ADAR: variants seen among roughly 807,000 people sequenced by gnomAD.
ADAR encodes adenosine deaminase RNA specific.
A neutral mutation model predicts 113.2 loss-of-function variants in ADAR; 41 were observed. That is an observed-to-expected ratio of 0.36 (90% CI 0.28 to 0.47). The LOEUF is 0.47. ADAR is among the 20% of genes least tolerant of loss of function. ADAR has a pLI of 1.00. For missense variants in ADAR, 1,242 were observed against 1,540.9 expected (o/e 0.81, Z 3.25); for synonymous variants, 605 against 572.6 (o/e 1.06, Z -0.81).
rs772630652 is a variant in ADAR, at chr1:154,589,506, C to G, written c.2669-44G>C. The G allele has an allele frequency of 3.9e-6, 6 of 1,529,164 alleles. No individual in the cohort carries two copies. The Admixed American group carries it at 1.0e-4, about 26-fold the overall frequency. The allele number at this position is 1,529,164 out of a possible 1,614,324, so 94.7% of individuals were successfully genotyped here. ...CAGAAATAGAATAATGGAAGGAAACCGATGGAAAACAGGATGAAGGCTATT... is the reference window on the plus strand; with the variant it reads ...CAGAAATAGAATAATGGAAGGAAACGGATGGAAAACAGGATGAAGGCTATT... On this transcript the variant is annotated intron_variant, in intron 8 of 14. Transcript: ENST00000368474.
chr1:154,626,520 A>G (rs1182174936), intron 1 of ADAR, among the ~76,000 whole-genome samples: 1 of 152,304 alleles, frequency 6.6e-6, no homozygotes, highest in Non-Finnish European at 1.5e-5. Context: ...CCAAGTCTGC[A>G]TATCATATCT....
chr1:154,610,833 A>AAAAAAAAAAAAAAAAAAC (rs1698463936), upstream of ADAR, among the ~76,000 whole-genome samples: 1 of 136,152 alleles, frequency 7.3e-6, no homozygotes, highest in Admixed American at 7.4e-5. Context: ...AGAAAAAAAA[A>AAAAAAAAAAAAAAAAAAC]AAAAAAAAGA....
At chr1:154,612,841 T>C (rs1698527585), upstream of ADAR, among the ~76,000 whole-genome samples, 1 of 152,102 alleles carries the variant, frequency 6.6e-6, no homozygotes, top group East Asian at 1.9e-4. Flanking sequence ...AGATAGAGTC[T>C]CGCTCTGTTG....
At chr1:154,603,943 T>C (rs1286952285) in intron 1 of ADAR, among the ~76,000 whole-genome samples, 2 of 152,178 alleles carry the variant, frequency 1.3e-5, no homozygotes, top group Non-Finnish European at 2.9e-5. Flanking sequence ...CATGGTGTCC[T>C]GGCTACAAGG....
rs1696527511 is a variant in ADAR, at chr1:154,583,286, C to T, written c.*1520G>A. The T allele has an allele frequency of 6.6e-6, 1 of 152,228 alleles. No homozygotes were observed. Among genetic ancestry groups the T allele is most frequent in the South Asian group, 2.1e-4 (1 of 4,836 alleles). The allele number at this position is 152,228 out of a possible 1,614,324, so 9.4% of individuals were successfully genotyped here. A position where few individuals can be genotyped will look rare whatever the true frequency, so the allele number is the denominator to read the frequency against. On this transcript the variant is annotated 3_prime_UTR_variant, in exon 15 of 15. Coordinates refer to ENST00000368474, the MANE Select transcript of ADAR (RefSeq NM_001111.5). ...CCACGGCACCAAGTCTATGCTTGGG[C>T]TCTTCCCTGCTCTGCTCTTGGAGTC...
At chr1:154,592,405 CT>C (rs1483924708) in intron 6 of ADAR, among the ~76,000 whole-genome samples, 1 of 151,916 alleles carries the variant, frequency 6.6e-6, no homozygotes, top group Non-Finnish European at 1.5e-5. Context: ...TGTTTGGTTC[CT>C]GTTCTAAAAA....
At position 154,602,337 on chromosome 1, in the gene ADAR, T is replaced by G; in HGVS notation, c.305A>C (p.Gln102Pro). 1 of 1,611,000 alleles carries G rather than the reference T, an allele frequency of 6.2e-7. No individual in the cohort carries two copies. Among genetic ancestry groups the G allele is most frequent in the Non-Finnish European group, 8.5e-7 (1 of 1,178,342 alleles). Residue 102 changes from glutamine to proline, a missense_variant, in exon 2 of 15, where the codon CAG becomes CCG. Transcript: ENST00000368474. ...ATGCTGGAACCCTCTCTGGAGCCCC[T>G]GACTTCTGAGATGCACGCCCCTGGG... ...GVPRGVHLRS[Q>P]GLQRGFQHPS... is the part of the protein sequence containing the mutation.
intron 6 of ADAR, among the ~76,000 whole-genome samples, chr1:154,595,738 T>C (rs1015590601): frequency 6.6e-6 from 1 of 152,220 alleles, no homozygotes; most frequent in East Asian, 1.9e-4. Flanking sequence ...TAAATGTAGT[T>C]AGCCTAAGTG....
intron 2 of ADAR, among the ~76,000 whole-genome samples, chr1:154,599,156 C>T (rs1697705004): frequency 6.6e-6 from 1 of 152,142 alleles, no homozygotes; most frequent in South Asian, 2.1e-4. Flanking sequence ...CAGCTATTTT[C>T]TACATAACAA....
intron 7 of ADAR, 38 bp downstream of exon 7, chr1:154,590,146 C>A (rs760133194): frequency 1.4e-5 from 16 of 1,167,416 alleles, no homozygotes; most frequent in Non-Finnish European, 2.0e-5. Flanking sequence ...GGAGGACCCC[C>A]CCGCCCCAAA....
Position 154,582,434 on chromosome 1 carries a change from A to G in ADAR, c.*2372T>C, listed in dbSNP as rs1696463606. On this transcript the variant is annotated 3_prime_UTR_variant, in exon 15 of 15. Coordinates refer to ENST00000368474, the MANE Select transcript of ADAR (RefSeq NM_001111.5). Reference sequence around the variant, plus strand: ...ACTGGACAAAGAAAGTGAAGATAACAGTGGGCAGAAGCTCTGCCTCCTCTG... The same window carrying G: ...ACTGGACAAAGAAAGTGAAGATAACGGTGGGCAGAAGCTCTGCCTCCTCTG... 6.6e-6 allele frequency: 1 copy of G among 151,110 alleles called. No individual in the cohort carries two copies. Among genetic ancestry groups the G allele is most frequent in the Admixed American group, 6.6e-5 (1 of 15,068 alleles). 9.4% of individuals were successfully genotyped at this position (151,110 alleles called of 1,614,324 possible).
chr1:154,600,937 G>C, intron 2 of ADAR, 104 bp downstream of exon 2: 1 of 1,496,778 alleles, frequency 6.7e-7, no homozygotes, highest in Non-Finnish European at 9.3e-7. Context: ...AGGAGGAAAA[G>C]ATAGGCGCCA....
At chr1:154,626,223 T>G (rs1318495086) in intron 1 of ADAR, among the ~76,000 whole-genome samples, 1 of 150,154 alleles carries the variant, frequency 6.7e-6, no homozygotes, top group Non-Finnish European at 1.5e-5. Context: ...TGAGAGATTG[T>G]CCTGCCTCAG....
chr1:154,586,288 C>G lies in ADAR; in HGVS notation c.3095G>C (p.Arg1032Pro). ...WDGIRLGERL[R>P]TMSCSDKILR... is the part of the protein sequence containing the mutation. ...GATTTTGTCACTACAGGACATGGTA[C>G]GGAGTCTCTCCCCGAGCCGAATGCC... The change falls in exon 12 of 15, where the codon CGT becomes CCT. Residue 1032 changes from arginine to proline, a missense_variant. By Grantham distance (103) the Arg-to-Pro change is moderately radical. Coordinates refer to ENST00000368474, the MANE Select transcript of ADAR (RefSeq NM_001111.5). The G allele has an allele frequency of 6.2e-7, 1 of 1,614,196 alleles. No homozygotes were observed. The highest frequency in any genetic ancestry group is 8.5e-7 in the Non-Finnish European group (1 of 1,180,026).
chr1:154,613,063 G>A (rs1571140860), upstream of ADAR, among the ~76,000 whole-genome samples: 5 of 151,878 alleles, frequency 3.3e-5, no homozygotes, highest in Non-Finnish European at 5.9e-5. Flanking sequence ...CGCCTGCCTC[G>A]GCCTCCCAAA....
rs758150130 is a variant in ADAR at position 154,596,812 on chromosome 1, C to T, written c.2263G>A (p.Glu755Lys). The change falls in exon 6 of 15, where the codon GAG becomes AAG. Residue 755 changes from glutamate to lysine, a missense_variant. This residue lies in a region of ADAR where 780 missense variants were observed against 1,057.9 expected (regional missense o/e 0.74). Transcript: ENST00000368474. ...KLVDQSGPPH[E>K]PKFVYQAKVG... The stretch of plus-strand genomic sequence containing the variant: ...CAGGACTAGGACACTCACTTGGGCT[C>T]GTGAGGAGGTCCGGACTGGTCGACC... 11 of 1,612,866 alleles carry T rather than the reference C, an allele frequency of 6.8e-6. No homozygotes were observed. The South Asian group carries it at 8.8e-5, about 13-fold the overall frequency.
At chr1:154,585,501 C>T (rs1245896690) in intron 13 of ADAR, 157 bp from the exon 14 acceptor site, 2 of 1,030,088 alleles carry the variant, frequency 1.9e-6, no homozygotes, top group South Asian at 1.4e-5. Context: ...ACCCTCTAGA[C>T]ATACTAACTC....
chr1:154,601,737 T>G lies in ADAR; in HGVS notation c.905A>C (p.Lys302Thr), dbSNP rs1697894687. The G allele has an allele frequency of 1.2e-6, 2 of 1,614,084 alleles. No individual in the cohort carries two copies. Among genetic ancestry groups the G allele is most frequent in the Non-Finnish European group, 1.7e-6 (2 of 1,180,044 alleles). ...EFLDMAEIKE[K>T]ICDYLFNVSD... Reference sequence around the variant, plus strand: ...CACATTGAAGAGATAGTCGCAGATTTTCTCCTTGATCTCGGCCATGTCTAA... The same window carrying G: ...CACATTGAAGAGATAGTCGCAGATTGTCTCCTTGATCTCGGCCATGTCTAA... The change falls in exon 2 of 15, where the codon AAA (lysine) becomes ACA (threonine). Residue 302 changes from lysine (K) to threonine (T), a missense_variant. By Grantham distance (78) the Lys-to-Thr change is moderately conservative. Around this residue, in one of 2 missense-constraint regions of ADAR, gnomAD observed 462 missense variants for 483.1 expected, o/e 0.96. Transcript: ENST00000368474. The surrounding 1 kb of genome is among the most constrained non-coding windows in gnomAD (Gnocchi z 4.7).
At chr1:154,595,660 T>C (rs1195805029) in intron 6 of ADAR, among the ~76,000 whole-genome samples, 1 of 151,402 alleles carries the variant, frequency 6.6e-6, no homozygotes, top group Admixed American at 6.7e-5. Context: ...AAGTAAAAAA[T>C]AAAGTAAAAA....
Sources: allele counts gnomAD v4.1 joint callset (sites outside exome capture counted in the v4.1 genomes callset), GRCh38; gene constraint gnomAD v4.1.1; regional missense constraint gnomAD v4.1.1; non-coding constraint Gnocchi (gnomAD v3.1); transcripts MANE v1.5; gene names NCBI Gene and HGNC (gene_info 2026-07-23, HGNC 2026-07-21).